The following DPP10 variants were observed in gnomAD, a reference collection of about 807,000 sequenced individuals.
DPP10 encodes inactive dipeptidyl peptidase 10.
DPP10 carries 33 observed loss-of-function variants against 120.9 expected under a neutral mutation model. That is an observed-to-expected ratio of 0.27 (90% confidence interval 0.21 to 0.37). The LOEUF is 0.37. Ranked by LOEUF, DPP10 falls within the 10% of genes least tolerant of loss-of-function variation. The pLI is 1.00. For missense variants in DPP10, 816 were observed against 942.8 expected (o/e 0.87, Z 1.76); for synonymous variants, 337 against 326.1 (o/e 1.03, Z -0.36).
At chr2:115,041,594 T>G (rs1247169801) in intron 1 of DPP10, among the ~76,000 whole-genome samples, 1 of 152,182 alleles carries the variant, frequency 6.6e-6, no homozygotes, top group Non-Finnish European at 1.5e-5. Flanking sequence ...CTATGTACAT[T>G]TTTCATAGTA....
At chr2:115,464,932 C>A (rs558500143) in intron 3 of DPP10, among the ~76,000 whole-genome samples, 1 of 152,232 alleles carries the variant, frequency 6.6e-6, no homozygotes, top group Admixed American at 6.5e-5. Context: ...TATCTACCAA[C>A]GTCCTTTCTT....
intron 5 of DPP10, among the ~76,000 whole-genome samples, chr2:115,635,742 G>T (rs1040783351): frequency 2.6e-5 from 4 of 152,132 alleles, no homozygotes; most frequent in Admixed American, 2.0e-4. Flanking sequence ...GATTTCACCA[G>T]ATATCCAGTC....
chr2:115,025,574 C>G (rs997228217), intron 1 of DPP10, among the ~76,000 whole-genome samples: 1 of 152,054 alleles, frequency 6.6e-6, no homozygotes, highest in African/African-American at 2.4e-5. Flanking sequence ...TGAAGAAACT[C>G]CCTGCTGTTT....
chr2:115,016,746 G>A (rs1014324788), intron 1 of DPP10, among the ~76,000 whole-genome samples: 9 of 151,662 alleles, frequency 5.9e-5, no homozygotes, highest in Non-Finnish European at 1.0e-4. Context: ...ACAGACACAC[G>A]AAAAAATGCA....
intron 5 of DPP10, among the ~76,000 whole-genome samples, chr2:115,621,666 A>G (rs770675023): frequency 1.1e-4 from 17 of 152,164 alleles, no homozygotes; most frequent in Non-Finnish European, 2.1e-4. Flanking sequence ...AAAAAATTCT[A>G]TGTATTTTTG....
intron 3 of DPP10, among the ~76,000 whole-genome samples, chr2:115,493,565 G>T (rs888793169): frequency 6.7e-6 from 1 of 150,302 alleles, no homozygotes; most frequent in African/African-American, 2.4e-5. Context: ...CCTTTGTTTA[G>T]ATAGCAATTG....
chr2:115,224,659 T>A (rs1473875759), intron 1 of DPP10, among the ~76,000 whole-genome samples: 2 of 152,202 alleles, frequency 1.3e-5, no homozygotes, highest in African/African-American at 4.8e-5. Context: ...TCACTAACAG[T>A]AATTTTTAAG....
At chr2:114,798,311 T>C (rs573731912) in intron 1 of DPP10, among the ~76,000 whole-genome samples, 2 of 152,270 alleles carry the variant, frequency 1.3e-5, no homozygotes, top group South Asian at 2.1e-4. Flanking sequence ...GTCATGGTAA[T>C]GTAAAATGTT....
At chr2:115,537,089 C>T (rs2078896092) in intron 5 of DPP10, among the ~76,000 whole-genome samples, 1 of 151,088 alleles carries the variant, frequency 6.6e-6, no homozygotes, top group South Asian at 2.1e-4. Flanking sequence ...GAAATAATAT[C>T]ATGTTCTCAT....
intron 1 of DPP10, among the ~76,000 whole-genome samples, chr2:115,294,989 A>T (rs2060820869): frequency 6.6e-6 from 1 of 152,066 alleles, no homozygotes; most frequent in Admixed American, 6.6e-5. Flanking sequence ...AAAAAGCAAA[A>T]CAAAGGAAAA....
chr2:115,780,453 G>T (rs1682614846), intron 15 of DPP10, among the ~76,000 whole-genome samples: 1 of 151,644 alleles, frequency 6.6e-6, no homozygotes. Context: ...TTTTTTGTTT[G>T]ACTTGTGGAA....
At chr2:115,353,926 C>T (rs986806181) in intron 3 of DPP10, among the ~76,000 whole-genome samples, 2 of 151,504 alleles carry the variant, frequency 1.3e-5, no homozygotes, top group East Asian at 1.9e-4. Flanking sequence ...TTTTAAAACA[C>T]ATAGATTTAA....
intron 7 of DPP10, among the ~76,000 whole-genome samples, chr2:115,703,486 C>T (rs145505554): frequency 6.6e-6 from 1 of 151,988 alleles, no homozygotes; most frequent in East Asian, 1.9e-4. Flanking sequence ...AGCAGACCAG[C>T]AGGCTGGACA....
At chr2:114,837,656 A>G (rs1205592043) in intron 1 of DPP10, among the ~76,000 whole-genome samples, 1 of 152,198 alleles carries the variant, frequency 6.6e-6, no homozygotes, top group Admixed American at 6.5e-5. Context: ...AACTAGTCAG[A>G]TTAGGCTCAT....
At chr2:114,552,910 C>G (rs1688001848) in intron 1 of DPP10, among the ~76,000 whole-genome samples, 2 of 152,134 alleles carry the variant, frequency 1.3e-5, no homozygotes, top group South Asian at 4.1e-4. Flanking sequence ...ACTAATGACT[C>G]CCACATCAGC....
At chr2:114,671,653 G>A (rs945653268) in intron 1 of DPP10, among the ~76,000 whole-genome samples, 3 of 152,080 alleles carry the variant, frequency 2.0e-5, no homozygotes, top group Admixed American at 6.6e-5. Flanking sequence ...CTTGGATAAA[G>A]GGGGAATTAC....
intron 1 of DPP10, among the ~76,000 whole-genome samples, chr2:114,460,374 A>T (rs1228275816): frequency 6.6e-6 from 1 of 152,230 alleles, no homozygotes; most frequent in African/African-American, 2.4e-5. Flanking sequence ...GACATTTTGC[A>T]TATAATTTCA....
chr2:115,717,442 A>G (rs1261975875), intron 7 of DPP10, among the ~76,000 whole-genome samples: 1 of 152,182 alleles, frequency 6.6e-6, no homozygotes, highest in Non-Finnish European at 1.5e-5. Context: ...GGCTGCCTGT[A>G]TTTGTGTTAA....
chr2:115,534,572 C>T (rs1304816732), intron 5 of DPP10, among the ~76,000 whole-genome samples: 6 of 152,070 alleles, frequency 3.9e-5, no homozygotes, highest in African/African-American at 7.2e-5. Flanking sequence ...AATAAACATA[C>T]GTGTGCATGT....
Sources: gnomAD v4.1 joint callset for allele counts (sites outside exome capture counted in the v4.1 genomes callset) on GRCh38, gnomAD v4.1.1 for gene constraint, MANE v1.5 for transcripts, NCBI Gene and HGNC (gene_info 2026-07-23, HGNC 2026-07-21) for gene names.